NUP62CL: variants seen among roughly 807,000 people sequenced by gnomAD.
NUP62CL encodes nucleoporin-62 C-terminal-like protein.
Under a neutral mutation model 15.3 loss-of-function variants are expected in NUP62CL, and 13 were observed. The ratio of observed to expected loss-of-function variants is 0.85; its 90% CI spans 0.55 to 1.35. The LOEUF (loss-of-function observed/expected upper bound fraction) is 1.35, where lower values mean the gene tolerates loss of function less well. Among genes scored for constraint, NUP62CL ranks in the 40% most tolerant of loss-of-function variants. The probability of loss-of-function intolerance (pLI) is 0.00; values close to 1 mark genes in which losing one functional copy is unlikely to be tolerated. For synonymous variants in NUP62CL, 54 were observed against 49.2 expected (o/e 1.10, Z -0.41); for missense variants, 123 against 130.6 (o/e 0.94, Z 0.28).
chrX:107,124,300 G>A lies in NUP62CL; in HGVS notation c.*75C>T, dbSNP rs767632806. On this transcript the variant is annotated 3_prime_UTR_variant, in exon 9 of 9. Coordinates refer to ENST00000372466, the MANE Select transcript of NUP62CL (RefSeq NM_017681.3). ...TCGTGACGATAATCCTCGAAAACCC[G>A]TGTTACCACTTCTACCTTCCTTCGC... 4 of 341,508 alleles carry A rather than the reference G, an allele frequency of 1.2e-5. No individual in the cohort carries two copies. The highest frequency in any genetic ancestry group is 1.0e-4 in the South Asian group (4 of 38,195). The allele number at this position is 341,508 out of a possible 1,213,427, so 28.1% of individuals were successfully genotyped here. A position where few individuals can be genotyped will look rare whatever the true frequency, so the allele number is the denominator to read the frequency against.
At chrX:107,150,204 T>C (rs2147797463) in intron 7 of NUP62CL, among the ~76,000 whole-genome samples, 1 of 112,137 alleles carries the variant, frequency 8.9e-6, no homozygotes, top group South Asian at 3.7e-4. Context: ...TACTAACACT[T>C]ATATAAGTAT....
intron 4 of NUP62CL, among the ~76,000 whole-genome samples, chrX:107,161,333 G>A (rs1273464105): frequency 2.2e-3 from 227 of 100,972 alleles, no homozygotes; most frequent in African/African-American, 7.8e-3. Context: ...ACATGCACAC[G>A]TATGTTTATT....
In NUP62CL at chrX:107,199,451, A is replaced by G. The variant is rs182687589; in HGVS notation, c.-91-6379T>C. Among the ~76,000 whole-genome samples the G allele has an allele frequency of 1.3e-3, 143 of 112,484 alleles. 1 individual carries two copies. The highest frequency in any genetic ancestry group is 4.3e-3 in the African/African-American group (135 of 31,061). On this transcript the variant is annotated intron_variant, in intron 1 of 8. Coordinates refer to ENST00000372466, the MANE Select transcript of NUP62CL (RefSeq NM_017681.3). Reference sequence around the variant, plus strand: ...AGGATTTCTGTCTCACAAAGTATAAATGATTTTGAGAGTAATCATTCATTC... The same window carrying G: ...AGGATTTCTGTCTCACAAAGTATAAGTGATTTTGAGAGTAATCATTCATTC...
intron 8 of NUP62CL, among the ~76,000 whole-genome samples, chrX:107,143,576 T>C (rs1255884007): frequency 4.5e-5 from 5 of 111,388 alleles, no homozygotes; most frequent in East Asian, 5.6e-4. Flanking sequence ...AGTGCAACAG[T>C]TGTCATGTTT....
At chrX:107,187,069 A>T (rs761219929) in intron 2 of NUP62CL, among the ~76,000 whole-genome samples, 2 of 112,089 alleles carry the variant, frequency 1.8e-5, no homozygotes, top group East Asian at 2.8e-4. Flanking sequence ...ATCTTCAAAC[A>T]TTTGGAAACT....
intron 8 of NUP62CL, among the ~76,000 whole-genome samples, chrX:107,128,351 CAT>C (rs1251577512): frequency 1.8e-5 from 2 of 112,063 alleles, no homozygotes; most frequent in African/African-American, 3.2e-5. Flanking sequence ...GTCATGTGCA[CAT>C]GTCTGTTAGC....
intron 3 of NUP62CL, 149 bp from the exon 4 acceptor site, chrX:107,167,933 T>C (rs1163709829): frequency 2.9e-5 from 13 of 442,448 alleles, no homozygotes; most frequent in Non-Finnish European, 4.6e-5. Flanking sequence ...TGTTGTAATA[T>C]GAAATAATAA....
chrX:107,196,373 T>C (rs1002204196), intron 1 of NUP62CL, among the ~76,000 whole-genome samples: 13 of 111,851 alleles, frequency 1.2e-4, no homozygotes, highest in African/African-American at 4.2e-4. Flanking sequence ...CCTCCAATTA[T>C]TATGAATTGT....
rs180915918 is a variant in NUP62CL, at chrX:107,185,693, A to G, written c.-48+7336T>C. Among the ~76,000 whole-genome samples the G allele has an allele frequency of 1.2e-4, 14 of 112,170 alleles. No homozygotes were observed. The East Asian group carries it at 1.9e-3, about 16-fold the overall frequency. On this transcript the variant is annotated intron_variant, in intron 2 of 8. Coordinates refer to ENST00000372466, the MANE Select transcript of NUP62CL (RefSeq NM_017681.3). ...AATGGAAAAGAAAGAAATGAAAACC[A>G]TAATTTAAAAAATGACACACTTAAG...
chrX:107,157,960 A>G lies in NUP62CL; in HGVS notation c.195-3714T>C, dbSNP rs1368099796. Reference sequence around the variant, plus strand: ...TCTACCAAGCAAATGGAAAACAAAAAAAGGCAGGGGTTGCAATCCTAGTCT... The same window carrying G: ...TCTACCAAGCAAATGGAAAACAAAAGAAGGCAGGGGTTGCAATCCTAGTCT... On this transcript the variant is annotated intron_variant, in intron 4 of 8. Coordinates refer to ENST00000372466, the MANE Select transcript of NUP62CL (RefSeq NM_017681.3). 6.0e-3 allele frequency among the ~76,000 whole-genome samples: 632 copies of G among 105,164 alleles called. 5 individuals carry two copies. The highest frequency in any genetic ancestry group is 0.021 in the African/African-American group (597 of 28,691). The allele number at this position is 105,164 out of a possible 115,157, so 91.3% of individuals were successfully genotyped here. A position where few individuals can be genotyped will look rare whatever the true frequency, so the allele number is the denominator to read the frequency against.
At chrX:107,141,465 T>C (rs992327607) in intron 8 of NUP62CL, among the ~76,000 whole-genome samples, 1 of 112,092 alleles carries the variant, frequency 8.9e-6, no homozygotes, top group African/African-American at 3.2e-5. Flanking sequence ...AACAGAGATA[T>C]CTTTGTGTTG....
chrX:107,178,399 G>A lies in NUP62CL; in HGVS notation c.-47-3206C>T, dbSNP rs140166976. On this transcript the variant is annotated intron_variant, in intron 2 of 8. Coordinates refer to ENST00000372466, the MANE Select transcript of NUP62CL (RefSeq NM_017681.3). ...GCCTCTTTAAAAAGAAAACTATAAG[G>A]ATAAATTAATGCATAGTGACACAAA... Among the ~76,000 whole-genome samples, 741 of 112,084 alleles carry A rather than the reference G, an allele frequency of 6.6e-3. 6 individuals are homozygous for A. Among genetic ancestry groups the A allele is most frequent in the African/African-American group, 0.022 (695 of 30,902 alleles).
intron 4 of NUP62CL, among the ~76,000 whole-genome samples, chrX:107,165,168 G>A (rs1394860190): frequency 4.5e-5 from 5 of 110,147 alleles, no homozygotes; most frequent in South Asian, 3.9e-4. Flanking sequence ...ACGTGGTGGC[G>A]GGAGCTTGTA....
At chrX:107,152,117 G>GATATATATATATATATTCAGAT (rs3072230) in intron 7 of NUP62CL, among the ~76,000 whole-genome samples, 41 of 34,730 alleles carry the variant, frequency 1.2e-3, no homozygotes, top group African/African-American at 6.1e-3. Flanking sequence ...TATATATTCA[G>GATATATATATATATATTCAGAT]ATATATATAT....
At chrX:107,151,724 AAT>A (rs1422233361) in intron 7 of NUP62CL, among the ~76,000 whole-genome samples, 1 of 109,511 alleles carries the variant, frequency 9.1e-6, no homozygotes. Flanking sequence ...GATTCTGGTA[AAT>A]ATTTCATCAC....
chrX:107,132,376 T>C lies in NUP62CL; in HGVS notation c.*43-8044A>G. 3 of 480,169 alleles carry C rather than the reference T, an allele frequency of 6.2e-6. No individual in the cohort carries two copies. The South Asian group carries it at 1.0e-4, about 16-fold the overall frequency. 39.6% of individuals were successfully genotyped at this position (480,169 alleles called of 1,213,427 possible). A position where few individuals can be genotyped will look rare whatever the true frequency, so the allele number is the denominator to read the frequency against. ...AGCTTTCAGTCTTTTAATGTTTTATTGCATTTTACTGGCTATACACACATA... is the reference window on the plus strand; with the variant it reads ...AGCTTTCAGTCTTTTAATGTTTTATCGCATTTTACTGGCTATACACACATA... On this transcript the variant is annotated intron_variant, in intron 8 of 8. Transcript: ENST00000372466.
intron 2 of NUP62CL, among the ~76,000 whole-genome samples, chrX:107,189,930 A>AAAGG: frequency 1.9e-4 from 21 of 108,117 alleles, no homozygotes; most frequent in African/African-American, 6.5e-4. Flanking sequence ...AGAAAGAAAG[A>AAAGG]AAGAAAGAAA....
intron 8 of NUP62CL, among the ~76,000 whole-genome samples, chrX:107,142,816 T>G (rs1477883997): frequency 8.9e-6 from 1 of 111,878 alleles, no homozygotes; most frequent in Non-Finnish European, 1.9e-5. Flanking sequence ...GACTACCAAC[T>G]CAGAAGACAG....
chrX:107,174,333 T>C (rs1278537675), intron 3 of NUP62CL, among the ~76,000 whole-genome samples: 2 of 108,213 alleles, frequency 1.8e-5, no homozygotes, highest in Non-Finnish European at 1.9e-5. Context: ...TGTATTTTTT[T>C]GTAGAGACAG....
Sources: gnomAD v4.1 joint callset for allele counts (sites outside exome capture counted in the v4.1 genomes callset) on GRCh38, gnomAD v4.1.1 for gene constraint, MANE v1.5 for transcripts, NCBI Gene and HGNC (gene_info 2026-07-23, HGNC 2026-07-21) for gene names.